The following MEF2C variants were observed in gnomAD, a reference collection of about 807,000 sequenced individuals.
The protein encoded by MEF2C is myocyte-specific enhancer factor 2C.
MEF2C carries 6 observed loss-of-function variants against 50.5 expected under a neutral mutation model. That is an observed-to-expected ratio of 0.12 (90% CI 0.07 to 0.23). The LOEUF is 0.23. Ranked by LOEUF, MEF2C falls within the 10% of genes least tolerant of loss-of-function variation. The probability of loss-of-function intolerance (pLI) is 1.00; values close to 1 mark genes in which losing one functional copy is unlikely to be tolerated. For synonymous variants in MEF2C, 183 were observed against 228.0 expected (o/e 0.80, Z 1.78); for missense variants, 276 against 605.0 (o/e 0.46, Z 5.70).
intron 2 of MEF2C, among the ~76,000 whole-genome samples, chr5:88,817,186 T>C (rs1419682365): frequency 6.6e-6 from 1 of 152,044 alleles, no homozygotes; most frequent in Non-Finnish European, 1.5e-5. Flanking sequence ...TGTATCTCTC[T>C]TTCAACAAAT....
chr5:88,861,403 A>G (rs1411858521), intron 1 of MEF2C, among the ~76,000 whole-genome samples: 2 of 152,058 alleles, frequency 1.3e-5, no homozygotes, highest in African/African-American at 4.8e-5. Flanking sequence ...TCATATTAAA[A>G]CTCTTAGAAA....
chr5:88,823,171 G>A (rs546144088), intron 2 of MEF2C, among the ~76,000 whole-genome samples: 1 of 151,996 alleles, frequency 6.6e-6, no homozygotes, highest in Non-Finnish European at 1.5e-5. Flanking sequence ...ATTTAAAATG[G>A]TATGAATTAA....
At chr5:88,812,635 T>C (rs1430153806) in intron 2 of MEF2C, among the ~76,000 whole-genome samples, 1 of 152,130 alleles carries the variant, frequency 6.6e-6, no homozygotes, top group Non-Finnish European at 1.5e-5. Context: ...GATTTTATAA[T>C]TAATTATCTC....
intron 1 of MEF2C, among the ~76,000 whole-genome samples, chr5:88,835,779 C>T (rs926033474): frequency 2.1e-5 from 3 of 144,724 alleles, no homozygotes; most frequent in East Asian, 4.0e-4. Flanking sequence ...CACCATTGCA[C>T]TCCAGCCTGG....
chr5:88,729,552 A>C, intron 8 of MEF2C: 2 of 545,770 alleles, frequency 3.7e-6, no homozygotes, highest in East Asian at 3.4e-5. Context: ...AACCCATTAC[A>C]TCAGTATCTC....
At position 88,761,347 on chromosome 5, in the gene MEF2C, A is replaced by G; in HGVS notation, c.259-19T>C. On this transcript the variant is annotated intron_variant, in intron 3 of 10. Coordinates refer to ENST00000504921, the MANE Select transcript of MEF2C (RefSeq NM_002397.5). The stretch of plus-strand genomic sequence containing the variant: ...TCAACGTCTGAAATACATAATTTGG[A>G]AAGTTCAAACCTAGACAAAGGCTGT... 6.2e-7 allele frequency: 1 copy of G among 1,607,050 alleles called. No homozygotes were observed. The highest frequency in any genetic ancestry group is 8.5e-7 in the Non-Finnish European group (1 of 1,176,774).
chr5:88,873,840 C>T (rs973535216), intron 1 of MEF2C, among the ~76,000 whole-genome samples: 37 of 148,572 alleles, frequency 2.5e-4, no homozygotes, highest in African/African-American at 8.2e-4. Context: ...AAGTGAACTT[C>T]CAATAAATAC....
At chr5:88,743,966 T>G (rs925042734) in intron 6 of MEF2C, 23 of 937,334 alleles carry the variant, frequency 2.5e-5, no homozygotes, top group Non-Finnish European at 2.8e-5. Context: ...CAAATAGCTA[T>G]GTAGATTGTA....
rs1828269404 is a variant in MEF2C, at chr5:88,868,950, A to G, written c.-143+14005T>C. ...ATCAACTTACAATAGGCACGTATACATTATAATATTTGATATAAAACAAGG... is the reference window on the plus strand; with the variant it reads ...ATCAACTTACAATAGGCACGTATACGTTATAATATTTGATATAAAACAAGG... On this transcript the variant is annotated intron_variant, in intron 1 of 10. Transcript: ENST00000504921. 2.6e-5 allele frequency among the ~76,000 whole-genome samples: 4 copies of G among 152,046 alleles called. No individual in the cohort carries two copies. In the South Asian group the frequency reaches 6.2e-4, roughly 24 times the overall value.
chr5:88,722,727 C>T lies in MEF2C; in HGVS notation c.1299G>A (p.Gly433=), dbSNP rs771241026. The change falls in exon 11 of 11, where the codon GGG becomes GGA. Residue 433 remains glycine, a synonymous_variant. Coordinates refer to ENST00000504921, the MANE Select transcript of MEF2C (RefSeq NM_002397.5). ...CGTTCCGGTGATCCTCTCGGTCGCT[C>T]CCGTCGTACGAACTGCTACAGCTGC... is the stretch of plus-strand genomic sequence containing the variant. ...SLSSCSSSYD[G]SDREDHRNEF... 1 of 1,613,968 alleles carries T rather than the reference C, an allele frequency of 6.2e-7. No homozygotes were observed. Among genetic ancestry groups the T allele is most frequent in the Non-Finnish European group, 8.5e-7 (1 of 1,179,902 alleles).
chr5:88,894,473 A>G (rs143589262), intron 1 of MEF2C, among the ~76,000 whole-genome samples: 1 of 152,186 alleles, frequency 6.6e-6, no homozygotes, highest in Admixed American at 6.5e-5. Context: ...TATTTCAGTA[A>G]TGTTGTCTTT....
intron 3 of MEF2C, among the ~76,000 whole-genome samples, chr5:88,794,094 G>T (rs147943889): frequency 6.6e-6 from 1 of 152,040 alleles, no homozygotes; most frequent in Non-Finnish European, 1.5e-5. Flanking sequence ...GAATAGTGCC[G>T]CAATAAACAT....
chr5:88,826,694 T>G (rs2153225585), intron 1 of MEF2C, among the ~76,000 whole-genome samples: 1 of 152,118 alleles, frequency 6.6e-6, no homozygotes, highest in East Asian at 1.9e-4. Flanking sequence ...ATTATTTAAC[T>G]TTAGTAATCT....
chr5:88,893,675 A>G (rs1834829432), intron 1 of MEF2C, among the ~76,000 whole-genome samples: 1 of 152,218 alleles, frequency 6.6e-6, no homozygotes. Context: ...GCATAGATCT[A>G]TATGCTTTCA....
chr5:88,734,565 G>GTTTT lies in MEF2C; in HGVS notation c.638-2668_638-2665dup, dbSNP rs66505441. Reference sequence around the variant, plus strand: ...TTCACGGAGGCCTTGAGAAAAGTTTGTTTTTTTTTTTTTTTTTTTTTTTTT... The same window carrying GTTTT: ...TTCACGGAGGCCTTGAGAAAAGTTTGTTTTTTTTTTTTTTTTTTTTTTTTTTTTT... On this transcript the variant is annotated intron_variant, in intron 6 of 10. Coordinates refer to ENST00000504921, the MANE Select transcript of MEF2C (RefSeq NM_002397.5). The GTTTT allele has an allele frequency of 5.1e-3, 2,740 of 539,540 alleles. 29 individuals are homozygous for GTTTT. Among genetic ancestry groups the GTTTT allele is most frequent in the African/African-American group, 0.013 (267 of 21,284 alleles). The allele number at this position is 539,540 out of a possible 1,614,324, so 33.4% of individuals were successfully genotyped here.
chr5:88,879,069 G>T (rs1172586607), intron 1 of MEF2C, among the ~76,000 whole-genome samples: 1 of 151,858 alleles, frequency 6.6e-6, no homozygotes, highest in Non-Finnish European at 1.5e-5. Context: ...TTATAATAGT[G>T]CACAGAAAAT....
At chr5:88,739,975 A>G (rs1765827114) in intron 6 of MEF2C, 2 of 985,030 alleles carry the variant, frequency 2.0e-6, no homozygotes, top group Non-Finnish European at 2.4e-6. Flanking sequence ...ATAATAATGC[A>G]TAATGTTAAA....
At chr5:88,846,745 C>T (rs1231069643) in intron 1 of MEF2C, among the ~76,000 whole-genome samples, 6 of 152,156 alleles carry the variant, frequency 3.9e-5, no homozygotes, top group Non-Finnish European at 5.9e-5. Flanking sequence ...TCTAAATGTA[C>T]ACTGACAAAC....
At chr5:88,774,160 T>C (rs936930560) in intron 3 of MEF2C, among the ~76,000 whole-genome samples, 7 of 151,986 alleles carry the variant, frequency 4.6e-5, no homozygotes, top group African/African-American at 1.7e-4. Context: ...ACAGTTGACC[T>C]GGAGGTAGAA....
Sources: allele counts gnomAD v4.1 joint callset (sites outside exome capture counted in the v4.1 genomes callset), GRCh38; gene constraint gnomAD v4.1.1; transcripts MANE v1.5; gene names NCBI Gene and HGNC (gene_info 2026-07-23, HGNC 2026-07-21).